Variants in CDC42SE1 observed in about 807,000 individuals in gnomAD.
CDC42SE1 encodes CDC42 small effector protein 1.
Under a neutral mutation model 10.9 loss-of-function variants are expected in CDC42SE1, and 10 were observed. That is an observed-to-expected ratio of 0.92 (90% CI 0.57 to 1.56). CDC42SE1 has a LOEUF of 1.56. CDC42SE1 is among the 40% of genes most tolerant of loss of function. CDC42SE1 has a pLI of 0.00. For synonymous variants in CDC42SE1, 24 were observed against 32.0 expected, an observed-to-expected ratio of 0.75 and a Z score of 0.85; for missense variants, 81 against 100.8, an observed-to-expected ratio of 0.80 and a Z score of 0.84.
At chr1:151,055,500 T>G (rs587714960) in intron 2 of CDC42SE1, 177 bp downstream of exon 2, 2 of 647,562 alleles carry the variant, frequency 3.1e-6, no homozygotes, top group East Asian at 5.5e-5. Flanking sequence ...ATTCACTTCT[T>G]CCATCACCCA....
At chr1:151,056,453 C>T (rs2864700) in intron 1 of CDC42SE1, among the ~76,000 whole-genome samples, 73,399 of 151,968 alleles carry the variant, frequency 0.48, 21,241 homozygotes, top group East Asian at 0.88. Flanking sequence ...TTGCCCTGAA[C>T]GCCTAGAGTT....
chr1:151,051,961 C>CTGA lies in CDC42SE1; in HGVS notation c.*1380_*1382dup, dbSNP rs1346023712. On this transcript the variant is annotated 3_prime_UTR_variant, in exon 5 of 5. Transcript: ENST00000357235. Reference sequence around the variant, plus strand: ...GCAACATGCAAACACAAGCAAAACACTGAATAAAGAATTGTTTGGAGATTA... The same window carrying CTGA: ...GCAACATGCAAACACAAGCAAAACACTGATGAATAAAGAATTGTTTGGAGATTA... The CTGA allele has an allele frequency of 6.6e-6, 1 of 152,520 alleles. No homozygotes were observed. The highest frequency in any genetic ancestry group is 2.4e-5 in the African/African-American group (1 of 41,414). The allele number at this position is 152,520 out of a possible 1,614,324, so 9.4% of individuals were successfully genotyped here.
intron 4 of CDC42SE1, 52 bp downstream of exon 4, chr1:151,054,179 G>GT (rs1676237653): frequency 1.8e-6 from 2 of 1,141,354 alleles, no homozygotes; most frequent in South Asian, 2.5e-5. Flanking sequence ...AGGGTATCAG[G>GT]TTGTGCTGTT....
rs1420290269 is a variant in CDC42SE1 at position 151,055,663 on chromosome 1, G to A, written c.54+14C>T. ...ACTGCTCTTTGGGTTAGGATGGGGG[G>A]TGGGGAGACTCACCGGCTGGGGTTT... is the stretch of plus-strand genomic sequence containing the variant. On this transcript the variant is annotated intron_variant, in intron 2 of 4. Transcript: ENST00000357235. 8.1e-6 allele frequency: 13 copies of A among 1,607,646 alleles called. No homozygotes were observed. Among genetic ancestry groups the A allele is most frequent in the Non-Finnish European group, 1.1e-5 (13 of 1,174,724 alleles).
chr1:151,054,324 G>T lies in CDC42SE1; in HGVS notation c.166-3C>A. The T allele has an allele frequency of 1.9e-6, 3 of 1,612,216 alleles. No homozygotes were observed. Among genetic ancestry groups the T allele is most frequent in the Non-Finnish European group, 2.5e-6 (3 of 1,178,474 alleles). ...ATCTGCTCCTGAACTGCACCTGTCT[G>T]TAAAAAAACAGATGCGAGACACCTT... On this transcript the variant is annotated splice_polypyrimidine_tract_variant and splice_region_variant and intron_variant, in intron 3 of 4. Coordinates refer to ENST00000357235, the MANE Select transcript of CDC42SE1 (RefSeq NM_020239.4).
At chr1:151,053,626 C>T (rs1021158999) in intron 4 of CDC42SE1, among the ~76,000 whole-genome samples, 8 of 151,996 alleles carry the variant, frequency 5.3e-5, no homozygotes, top group Non-Finnish European at 1.0e-4. Flanking sequence ...GGATTACAGG[C>T]GTGTGCCATC....
At position 151,051,328 on chromosome 1, in the gene CDC42SE1, G is replaced by A. The variant is rs587694697; in HGVS notation, c.*2016C>T. Reference sequence around the variant, plus strand: ...GAGCAACCAGCTTGACTGGAACTGAGAGTAAATTGGGAATGTATGACCAAT... The same window carrying A: ...GAGCAACCAGCTTGACTGGAACTGAAAGTAAATTGGGAATGTATGACCAAT... On this transcript the variant is annotated 3_prime_UTR_variant, in exon 5 of 5. Coordinates refer to ENST00000357235, the MANE Select transcript of CDC42SE1 (RefSeq NM_020239.4). 1 of 123,714 alleles carries A rather than the reference G, an allele frequency of 8.1e-6. No individual in the cohort carries two copies. The highest frequency in any genetic ancestry group is 1.6e-5 in the Non-Finnish European group (1 of 62,806). The allele number at this position is 123,714 out of a possible 1,614,324, so 7.7% of individuals were successfully genotyped here.
intron 2 of CDC42SE1, 37 bp downstream of exon 2, chr1:151,055,640 T>A: frequency 6.4e-7 from 1 of 1,563,690 alleles, no homozygotes; most frequent in South Asian, 1.1e-5. Flanking sequence ...AGTAACTGAC[T>A]GCTCTTTGGG....
intron 2 of CDC42SE1, 72 bp downstream of exon 2, chr1:151,055,605 A>G: frequency 1.6e-6 from 2 of 1,248,296 alleles, no homozygotes; most frequent in Admixed American, 1.8e-5. Flanking sequence ...CAGATCCTAG[A>G]TGGTGTGGCT....
rs936097293 is a variant in CDC42SE1, at chr1:151,057,603, C to G, written c.-263-1610G>C. Among the ~76,000 whole-genome samples, 1 of 152,030 alleles carries G rather than the reference C, an allele frequency of 6.6e-6. No individual in the cohort carries two copies. Among genetic ancestry groups the G allele is most frequent in the Non-Finnish European group, 1.5e-5 (1 of 68,014 alleles). ...ACTGGGGAGGCTGAGGCAGGAGGATCACTTGAGCCCAAGAGTTGCGGCTAC... is the reference window on the plus strand; with the variant it reads ...ACTGGGGAGGCTGAGGCAGGAGGATGACTTGAGCCCAAGAGTTGCGGCTAC... On this transcript the variant is annotated intron_variant, in intron 1 of 4. Transcript: ENST00000357235. This position sits in a 1 kb window ranked among gnomAD's most constrained non-coding sequence, Gnocchi z 4.0.
intron 4 of CDC42SE1, among the ~76,000 whole-genome samples, chr1:151,053,542 C>T (rs901191650): frequency 8.6e-5 from 13 of 151,818 alleles, no homozygotes; most frequent in Admixed American, 1.3e-4. Flanking sequence ...AGTGCAGTGG[C>T]GCAATCTAGA....
intron 3 of CDC42SE1, 78 bp downstream of exon 3, chr1:151,054,938 C>T: frequency 9.6e-7 from 1 of 1,046,808 alleles, no homozygotes. Flanking sequence ...TTTCATATGT[C>T]CCTAGCTTGA....
intron 3 of CDC42SE1, among the ~76,000 whole-genome samples, chr1:151,054,526 T>C (rs962515016): frequency 2.0e-5 from 3 of 152,192 alleles, no homozygotes; most frequent in African/African-American, 4.8e-5. Context: ...CTTTTACTAA[T>C]AATATTCCCT....
rs1482242155 is a variant in CDC42SE1 at position 151,055,024 on chromosome 1, G to C, written c.157C>G (p.Leu53Val). 1 of 1,612,134 alleles carries C rather than the reference G, an allele frequency of 6.2e-7. No homozygotes were observed. Among genetic ancestry groups the C allele is most frequent in the Non-Finnish European group, 8.5e-7 (1 of 1,178,518 alleles). The stretch of plus-strand genomic sequence containing the variant: ...CCCCATTTCCTTGTTACCATGGCAA[G>C]TCCATCTCCGGCCCCCATCTCCCCT... ...GSGEMGAGDGLAMTGAVQEQM... is the reference protein window; with the variant it reads ...GSGEMGAGDGVAMTGAVQEQM... Residue 53 changes from leucine to valine, a missense_variant, in exon 3 of 5, where the codon CTT becomes GTT. By Grantham distance (32) the Leu-to-Val change is conservative (BLOSUM62 1). Transcript: ENST00000357235.
chr1:151,055,507 C>T, intron 2 of CDC42SE1, 170 bp downstream of exon 2: 1 of 660,800 alleles, frequency 1.5e-6, no homozygotes, highest in Non-Finnish European at 2.8e-6. Flanking sequence ...TCTTCCATCA[C>T]CCAGTCCCCT....
chr1:151,054,952 T>C, intron 3 of CDC42SE1, 64 bp downstream of exon 3: 1 of 1,221,498 alleles, frequency 8.2e-7, no homozygotes, highest in Non-Finnish European at 1.2e-6. Context: ...AGCTTGAACT[T>C]TCAAAAAGAG....
At position 151,055,921 on chromosome 1, in the gene CDC42SE1, T is replaced by C; in HGVS notation, c.-191A>G. ...CAGTGAAGGTCAGTGTCTCAGAGCCTGAGAGATGAACAGGACCAGAGAGAG... is the reference window on the plus strand; with the variant it reads ...CAGTGAAGGTCAGTGTCTCAGAGCCCGAGAGATGAACAGGACCAGAGAGAG... On this transcript the variant is annotated 5_prime_UTR_variant, in exon 2 of 5. Coordinates refer to ENST00000357235, the MANE Select transcript of CDC42SE1 (RefSeq NM_020239.4). 1 of 617,392 alleles carries C rather than the reference T, an allele frequency of 1.6e-6. No homozygotes were observed. The highest frequency in any genetic ancestry group is 2.9e-6 in the Non-Finnish European group (1 of 340,952). The allele number at this position is 617,392 out of a possible 1,614,324, so 38.2% of individuals were successfully genotyped here.
intron 2 of CDC42SE1, 174 bp downstream of exon 2, chr1:151,055,503 A>T (rs1676262131): frequency 1.5e-6 from 1 of 650,514 alleles, no homozygotes; most frequent in Admixed American, 2.4e-5. Flanking sequence ...CACTTCTTCC[A>T]TCACCCAGTC....
rs1249119005 is a variant in CDC42SE1 at position 151,052,975 on chromosome 1, G to A, written c.*369C>T. ...CTCACCCACCTACCCCATTTAAGGA[G>A]TTCCAGGTTTAAGAGTTTAAAAACA... is the stretch of plus-strand genomic sequence containing the variant. On this transcript the variant is annotated 3_prime_UTR_variant, in exon 5 of 5. Coordinates refer to ENST00000357235, the MANE Select transcript of CDC42SE1 (RefSeq NM_020239.4). The A allele has an allele frequency of 1.3e-5, 2 of 152,398 alleles. No homozygotes were observed. The highest frequency in any genetic ancestry group is 2.4e-5 in the African/African-American group (1 of 41,456). 9.4% of individuals were successfully genotyped at this position (152,398 alleles called of 1,614,324 possible). A position where few individuals can be genotyped will look rare whatever the true frequency, so the allele number is the denominator to read the frequency against.
Sources: gnomAD v4.1 joint callset for allele counts (sites outside exome capture counted in the v4.1 genomes callset) on GRCh38, gnomAD v4.1.1 for gene constraint, Gnocchi (gnomAD v3.1) non-coding constraint, MANE v1.5 for transcripts, NCBI Gene and HGNC (gene_info 2026-07-23, HGNC 2026-07-21) for gene names.